Variants in SNAP29 observed in about 807,000 individuals in gnomAD.
The protein encoded by SNAP29 is synaptosome associated protein 29.
A neutral mutation model predicts 27.9 loss-of-function variants in SNAP29; 13 were observed. The ratio of observed to expected loss-of-function variants is 0.47; its 90% CI spans 0.30 to 0.74. SNAP29 has a LOEUF of 0.74. Among genes scored for constraint, SNAP29 ranks in the 30% least tolerant of loss-of-function variants. The probability of loss-of-function intolerance (pLI) is 0.06; values close to 1 mark genes in which losing one functional copy is unlikely to be tolerated. For synonymous variants in SNAP29, 119 were observed against 127.1 expected (o/e 0.94, Z 0.43); for missense variants, 368 against 336.5 (o/e 1.09, Z -0.73).
chr22:20,888,576 C>T lies in SNAP29; in HGVS notation c.*740C>T, dbSNP rs79383799. On this transcript the variant is annotated 3_prime_UTR_variant, in exon 5 of 5. Transcript: ENST00000215730. ...GAATTGGGTGAGCCCCTCTTCCCCA[C>T]GTGCTCCCATCTGTAACTCTCCATC... 4,584 of 153,586 alleles carry T rather than the reference C, an allele frequency of 0.03. 89 individuals are homozygous for T. The highest frequency in any genetic ancestry group is 0.064 in the Middle Eastern group (19 of 298). The allele number at this position is 153,586 out of a possible 1,614,324, so 9.5% of individuals were successfully genotyped here. A position where few individuals can be genotyped will look rare whatever the true frequency, so the allele number is the denominator to read the frequency against.
intron 2 of SNAP29, among the ~76,000 whole-genome samples, chr22:20,871,877 G>A (rs960218057): frequency 4.6e-5 from 7 of 151,214 alleles, no homozygotes; most frequent in East Asian, 3.9e-4. Flanking sequence ...GCAAGACTCC[G>A]TCTCAAAAAA....
rs766785499 is a variant in SNAP29, at chr22:20,859,100, GCGC to G, written c.-8_-6del. 7 of 1,591,746 alleles carry G rather than the reference GCGC, an allele frequency of 4.4e-6. No homozygotes were observed. The highest frequency in any genetic ancestry group is 5.2e-6 in the Non-Finnish European group (6 of 1,164,760). Reference sequence around the variant, plus strand: ...CCTTCTGTTTCCCAGACCGAGAGCCGCGCCGGCACCATGTCAGCTTACCCTAAA... The same window carrying G: ...CCTTCTGTTTCCCAGACCGAGAGCCGCGGCACCATGTCAGCTTACCCTAAA... On this transcript the variant is annotated 5_prime_UTR_variant, in exon 1 of 5. Coordinates refer to ENST00000215730, the MANE Select transcript of SNAP29 (RefSeq NM_004782.4).
chr22:20,863,181 A>G (rs1362475613), intron 1 of SNAP29, among the ~76,000 whole-genome samples: 2 of 152,172 alleles, frequency 1.3e-5, no homozygotes, highest in African/African-American at 4.8e-5. Flanking sequence ...GCTGTCTTTG[A>G]ATCACTCTAA....
intron 4 of SNAP29, among the ~76,000 whole-genome samples, chr22:20,886,920 C>T (rs1929029697): frequency 3.9e-5 from 6 of 151,960 alleles, no homozygotes. Flanking sequence ...GCCAAAACTA[C>T]CTTTTTAAAA....
At chr22:20,862,050 G>A (rs1928337883) in intron 1 of SNAP29, among the ~76,000 whole-genome samples, 1 of 152,234 alleles carries the variant, frequency 6.6e-6, no homozygotes, top group African/African-American at 2.4e-5. Flanking sequence ...GATTACAGAT[G>A]TGAGCCACTG....
chr22:20,863,837 C>T (rs1928393013), intron 1 of SNAP29, among the ~76,000 whole-genome samples: 1 of 151,996 alleles, frequency 6.6e-6, no homozygotes. Flanking sequence ...GGAGATAATG[C>T]CGTGGATAAA....
intron 4 of SNAP29, among the ~76,000 whole-genome samples, chr22:20,885,889 C>T (rs775863347): frequency 2.6e-5 from 4 of 152,180 alleles, no homozygotes; most frequent in Non-Finnish European, 5.9e-5. Flanking sequence ...TATCTCCCTG[C>T]TATTTCAGGA....
rs563469455 is a variant in SNAP29, at chr22:20,890,142, C to T, written c.*2306C>T. On this transcript the variant is annotated 3_prime_UTR_variant, in exon 5 of 5. Transcript: ENST00000215730. ...CTGGTCCTTTCTGCCACTTCTTCCC[C>T]ACTCCCATGCCCAGGAAGGCCTGGT... 5.0e-6 allele frequency: 2 copies of T among 396,782 alleles called. No individual in the cohort carries two copies. The highest frequency in any genetic ancestry group is 4.1e-5 in the African/African-American group (2 of 48,698). 24.6% of individuals were successfully genotyped at this position (396,782 alleles called of 1,614,324 possible). A position where few individuals can be genotyped will look rare whatever the true frequency, so the allele number is the denominator to read the frequency against.
chr22:20,879,836 C>G (rs1928846529), intron 2 of SNAP29, among the ~76,000 whole-genome samples: 1 of 132,514 alleles, frequency 7.5e-6, no homozygotes, highest in Non-Finnish European at 1.6e-5. Context: ...GAGCGAGACT[C>G]TGTCTGAAAA....
At chr22:20,875,548 T>C (rs906672969) in intron 2 of SNAP29, among the ~76,000 whole-genome samples, 7 of 152,136 alleles carry the variant, frequency 4.6e-5, no homozygotes, top group Admixed American at 2.6e-4. Context: ...CCTGACTTTT[T>C]GCAGAAGGTG....
chr22:20,859,385 T>C, intron 1 of SNAP29, 38 bp downstream of exon 1: 7 of 1,369,584 alleles, frequency 5.1e-6, no homozygotes, highest in Non-Finnish European at 7.3e-6. Context: ...CTCGCCGGTC[T>C]CTGTGCTGTC....
chr22:20,883,769 G>A (rs1374884356), intron 4 of SNAP29, among the ~76,000 whole-genome samples, 200 bp downstream of exon 4: 4 of 151,974 alleles, frequency 2.6e-5, no homozygotes, highest in Admixed American at 1.3e-4. Context: ...TAGCCCAGCC[G>A]AGCCCTCCCC....
chr22:20,868,607 A>G (rs1167161213), intron 1 of SNAP29, among the ~76,000 whole-genome samples: 1 of 130,682 alleles, frequency 7.7e-6, no homozygotes, highest in Non-Finnish European at 1.6e-5. Context: ...ATCAAGAGAG[A>G]ATATATCTAA....
rs1928553279 is a variant in SNAP29, at chr22:20,870,205, C to T, written c.238-132C>T. 2.6e-5 allele frequency: 20 copies of T among 771,126 alleles called. No homozygotes were observed. The South Asian group carries it at 2.7e-4, about 10-fold the overall frequency. The allele number at this position is 771,126 out of a possible 1,614,324, so 47.8% of individuals were successfully genotyped here. On this transcript the variant is annotated intron_variant, in intron 1 of 4. Transcript: ENST00000215730. ...TGTTGTTGGAAAGGGTAGTGTGCCC[C>T]TCACAGATGACAGTACCCGTCTCCA...
Position 20,890,050 on chromosome 22 carries a change from C to A in SNAP29, c.*2214C>A, listed in dbSNP as rs1295808310. 1 of 387,914 alleles carries A rather than the reference C, an allele frequency of 2.6e-6. No individual in the cohort carries two copies. The highest frequency in any genetic ancestry group is 4.5e-6 in the Non-Finnish European group (1 of 220,250). 24.0% of individuals were successfully genotyped at this position (387,914 alleles called of 1,614,324 possible). A position where few individuals can be genotyped will look rare whatever the true frequency, so the allele number is the denominator to read the frequency against. On this transcript the variant is annotated 3_prime_UTR_variant, in exon 5 of 5. Transcript: ENST00000215730. ...TTAGAGGGCCTCGTTTTGTCCTGTTCTTGTTCAGACCCTCTCGTTCTACGT... is the reference window on the plus strand; with the variant it reads ...TTAGAGGGCCTCGTTTTGTCCTGTTATTGTTCAGACCCTCTCGTTCTACGT...
At chr22:20,870,315 C>T in intron 1 of SNAP29, 22 bp from the exon 2 acceptor site, 1 of 1,612,840 alleles carries the variant, frequency 6.2e-7, no homozygotes, top group South Asian at 1.1e-5. Flanking sequence ...GCTATAATGC[C>T]ACTGCCTCTC....
Position 20,888,331 on chromosome 22 carries a change from A to G in SNAP29, c.*495A>G. ...ATCATTCACACACACACACACACAC[A>G]CACACACACACACACACACACACAC... On this transcript the variant is annotated 3_prime_UTR_variant, in exon 5 of 5. Transcript: ENST00000215730. 5.6e-6 allele frequency: 1 copy of G among 177,390 alleles called. No homozygotes were observed. The highest frequency in any genetic ancestry group is 8.5e-5 in the South Asian group (1 of 11,790). 11.0% of individuals were successfully genotyped at this position (177,390 alleles called of 1,614,324 possible). A position where few individuals can be genotyped will look rare whatever the true frequency, so the allele number is the denominator to read the frequency against.
intron 2 of SNAP29, among the ~76,000 whole-genome samples, chr22:20,871,644 A>T (rs1928594364): frequency 6.6e-6 from 1 of 152,106 alleles, no homozygotes; most frequent in Non-Finnish European, 1.5e-5. Flanking sequence ...GCACTTGGGG[A>T]GGCCGAGGCG....
intron 1 of SNAP29, among the ~76,000 whole-genome samples, chr22:20,861,015 C>T (rs562757819): frequency 2.6e-5 from 4 of 152,080 alleles, no homozygotes; most frequent in African/African-American, 7.2e-5. Context: ...CCAGCTTGGG[C>T]GACAGAGCAA....
Sources: allele counts gnomAD v4.1 joint callset (sites outside exome capture counted in the v4.1 genomes callset), GRCh38; gene constraint gnomAD v4.1.1; transcripts MANE v1.5; gene names NCBI Gene and HGNC (gene_info 2026-07-23, HGNC 2026-07-21).